LRRC7: variants seen among roughly 807,000 people sequenced by gnomAD.
The protein encoded by LRRC7 is leucine-rich repeat-containing protein 7.
In LRRC7, 23 loss-of-function variants were observed where a neutral mutation model predicts 175.7. The ratio of observed to expected loss-of-function variants is 0.13; its 90% CI spans 0.09 to 0.19. The LOEUF (loss-of-function observed/expected upper bound fraction) is 0.19, where lower values mean the gene tolerates loss of function less well. Among genes scored for constraint, LRRC7 ranks in the 10% least tolerant of loss-of-function variants. The pLI is 1.00. For synonymous variants in LRRC7, 685 were observed against 680.9 expected (o/e 1.01, Z -0.09); for missense variants, 1,354 against 1,904.7 (o/e 0.71, Z 5.38).
intron 1 of LRRC7, among the ~76,000 whole-genome samples, chr1:69,613,159 A>G (rs1649066412): frequency 6.6e-6 from 1 of 152,096 alleles, no homozygotes; most frequent in South Asian, 2.1e-4. Context: ...ACAGTTCCAG[A>G]ACACTGGGAA....
chr1:70,097,312 A>G (rs914960211), intron 25 of LRRC7, among the ~76,000 whole-genome samples: 2 of 152,234 alleles, frequency 1.3e-5, no homozygotes, highest in African/African-American at 4.8e-5. Context: ...TTCTGACCAT[A>G]TAATGATGCG....
At chr1:69,683,498 C>T (rs546163870) in intron 2 of LRRC7, among the ~76,000 whole-genome samples, 1 of 152,204 alleles carries the variant, frequency 6.6e-6, no homozygotes, top group South Asian at 2.1e-4. Flanking sequence ...ATACTCTATT[C>T]CTGTGCTCTC....
intron 1 of LRRC7, among the ~76,000 whole-genome samples, chr1:69,587,931 G>A (rs1646469971): frequency 6.6e-6 from 1 of 152,132 alleles, no homozygotes; most frequent in Admixed American, 6.5e-5. Flanking sequence ...CTTTATAGCA[G>A]TGTTAGAATG....
chr1:70,089,345 T>G (rs1055212474), intron 24 of LRRC7, among the ~76,000 whole-genome samples: 3 of 152,202 alleles, frequency 2.0e-5, no homozygotes, highest in Non-Finnish European at 2.9e-5. Context: ...GTTTCACTTA[T>G]TCAGACACTC....
intron 4 of LRRC7, among the ~76,000 whole-genome samples, chr1:69,800,578 A>C (rs1391323947): frequency 6.6e-6 from 1 of 151,946 alleles, no homozygotes; most frequent in African/African-American, 2.4e-5. Context: ...GATTTTTTGC[A>C]CATTAATTTT....
intron 24 of LRRC7, among the ~76,000 whole-genome samples, chr1:70,079,926 A>G (rs1474581977): frequency 6.6e-6 from 1 of 152,184 alleles, no homozygotes; most frequent in Non-Finnish European, 1.5e-5. Context: ...TTTTCTTTTT[A>G]CAAGTGAAGA....
chr1:69,997,385 C>A (rs568556852), intron 11 of LRRC7, among the ~76,000 whole-genome samples: 2,399 of 148,942 alleles, frequency 0.016, 25 homozygotes, highest in Non-Finnish European at 0.023. Context: ...AATTGAATAC[C>A]CTTTATTTCC....
chr1:69,653,152 G>T (rs141627940), intron 1 of LRRC7, among the ~76,000 whole-genome samples: 1 of 151,860 alleles, frequency 6.6e-6, no homozygotes, highest in Non-Finnish European at 1.5e-5. Flanking sequence ...GAATAAAAAG[G>T]CAACTACAGA....
At chr1:69,920,623 A>G (rs1646861765) in intron 7 of LRRC7, among the ~76,000 whole-genome samples, 1 of 152,124 alleles carries the variant, frequency 6.6e-6, no homozygotes, top group South Asian at 2.1e-4. Flanking sequence ...TCAGCTTTAT[A>G]TCATACTCTC....
chr1:69,898,281 A>G (rs1646035260), intron 7 of LRRC7, among the ~76,000 whole-genome samples: 1 of 152,198 alleles, frequency 6.6e-6, no homozygotes, highest in Admixed American at 6.5e-5. Context: ...GGAGCCAGTC[A>G]GTAGACAATA....
chr1:69,967,042 G>A (rs1651734200), intron 8 of LRRC7, among the ~76,000 whole-genome samples: 1 of 152,194 alleles, frequency 6.6e-6, no homozygotes, highest in South Asian at 2.1e-4. Flanking sequence ...TGGGAGGCAG[G>A]TAGCCTGGGG....
At chr1:69,680,055 A>G (rs75491051) in intron 2 of LRRC7, among the ~76,000 whole-genome samples, 11,032 of 152,194 alleles carry the variant, frequency 0.072, 491 homozygotes, top group East Asian at 0.14. Context: ...TCTTCATAAA[A>G]AATCTTTTTG....
intron 8 of LRRC7, among the ~76,000 whole-genome samples, chr1:69,941,091 G>A (rs567067405): frequency 6.6e-6 from 1 of 152,134 alleles, no homozygotes; most frequent in South Asian, 2.1e-4. Flanking sequence ...TATGCAGCGG[G>A]AACAGCAAGT....
At chr1:69,781,847 G>GGA (rs1204657998) in intron 3 of LRRC7, among the ~76,000 whole-genome samples, 30 of 95,780 alleles carry the variant, frequency 3.1e-4, no homozygotes, top group African/African-American at 8.5e-4. Flanking sequence ...GGAAGGAAGG[G>GGA]AGAGAAAGAA....
At chr1:69,792,222 T>C in intron 4 of LRRC7, 62 bp downstream of exon 4, 1 of 914,828 alleles carries the variant, frequency 1.1e-6, no homozygotes, top group Non-Finnish European at 1.8e-6. Flanking sequence ...TGCTTTAATA[T>C]CTTCTCTTAG....
intron 8 of LRRC7, among the ~76,000 whole-genome samples, chr1:69,960,991 G>T (rs1000256087): frequency 2.0e-5 from 3 of 152,074 alleles, no homozygotes; most frequent in African/African-American, 4.8e-5. Flanking sequence ...GGGCAATCAG[G>T]CAAGAGAAAG....
intron 3 of LRRC7, among the ~76,000 whole-genome samples, chr1:69,785,645 TAC>T (rs1674322745): frequency 6.6e-6 from 1 of 152,292 alleles, no homozygotes; most frequent in South Asian, 2.1e-4. Context: ...CTAGAAATCA[TAC>T]ACTTTATTTC....
At chr1:69,882,634 T>C (rs1686740846) in intron 7 of LRRC7, among the ~76,000 whole-genome samples, 1 of 151,826 alleles carries the variant, frequency 6.6e-6, no homozygotes, top group South Asian at 2.1e-4. Flanking sequence ...TTAATTATAC[T>C]TTATGTTTTA....
At chr1:69,849,886 T>G (rs547979855) in intron 7 of LRRC7, among the ~76,000 whole-genome samples, 1 of 152,098 alleles carries the variant, frequency 6.6e-6, no homozygotes, top group Non-Finnish European at 1.5e-5. Context: ...CTATTCTCAG[T>G]GCCAAGGAAT....
Sources: gnomAD v4.1 joint callset for allele counts (sites outside exome capture counted in the v4.1 genomes callset) on GRCh38, gnomAD v4.1.1 for gene constraint, MANE v1.5 for transcripts, NCBI Gene and HGNC (gene_info 2026-07-23, HGNC 2026-07-21) for gene names.